Variants in BAZ2B observed in about 807,000 individuals in gnomAD.
The protein encoded by BAZ2B is bromodomain adjacent to zinc finger domain protein 2B.
In BAZ2B, 91 loss-of-function variants were observed where a neutral mutation model predicts 246.0. The observed-to-expected ratio is 0.37, with a 90% CI of 0.31 to 0.44. BAZ2B has a LOEUF of 0.44. Ranked by LOEUF, BAZ2B falls within the 20% of genes least tolerant of loss-of-function variation. The pLI, the probability that BAZ2B is intolerant of heterozygous loss-of-function variation, is 1.00. For synonymous variants in BAZ2B, 855 were observed against 860.0 expected (o/e 0.99, Z 0.10); for missense variants, 2,332 against 2,533.7 (o/e 0.92, Z 1.71).
At chr2:159,573,098 G>A (rs1684422549) in intron 1 of BAZ2B, among the ~76,000 whole-genome samples, 1 of 151,852 alleles carries the variant, frequency 6.6e-6, no homozygotes, top group African/African-American at 2.4e-5. Flanking sequence ...TTAGGGGTGG[G>A]GTATAACTGA....
chr2:159,588,836 G>A lies in BAZ2B; in HGVS notation c.-46+27406C>T, dbSNP rs144727852. On this transcript the variant is annotated intron_variant, in intron 1 of 36. Coordinates refer to ENST00000392783, the MANE Select transcript of BAZ2B (RefSeq NM_013450.4). ...TGCATCTCTAAAACAAAAACAAAATGTAAGTAAAATTAAAATTGTAGTATG... is the reference window on the plus strand; with the variant it reads ...TGCATCTCTAAAACAAAAACAAAATATAAGTAAAATTAAAATTGTAGTATG... Among the ~76,000 whole-genome samples, 719 of 152,186 alleles carry A rather than the reference G, an allele frequency of 4.7e-3. 10 individuals are homozygous for A. Among genetic ancestry groups the A allele is most frequent in the South Asian group, 0.038 (182 of 4,816 alleles).
Position 159,337,044 on chromosome 2 carries a change from T to C in BAZ2B, c.5694A>G (p.Val1898=), listed in dbSNP as rs780053016. 2.5e-6 allele frequency: 4 copies of C among 1,613,204 alleles called. No homozygotes were observed. Among genetic ancestry groups the C allele is most frequent in the South Asian group, 1.1e-5 (1 of 91,060 alleles). ...IEEDIAPGLR[V]WRRALSEARS... ...GAGCTTCTGATAATGCCCTTCTCCA[T>C]ACCCTGAGCCCTGGAGCAATATCCT... Residue 1898 remains valine (V), a synonymous_variant, in exon 33 of 37, where the codon GTA becomes GTG. Coordinates refer to ENST00000392783, the MANE Select transcript of BAZ2B (RefSeq NM_013450.4).
intron 1 of BAZ2B, among the ~76,000 whole-genome samples, chr2:159,593,446 C>T (rs1192399607): frequency 6.6e-6 from 1 of 152,138 alleles, no homozygotes; most frequent in African/African-American, 2.4e-5. Context: ...TTTCACTATC[C>T]TTTTTGTTTT....
intron 20 of BAZ2B, chr2:159,391,997 CA>C (rs2063388442): frequency 6.6e-6 from 1 of 152,090 alleles, no homozygotes; most frequent in African/African-American, 2.4e-5. Flanking sequence ...TCCCCTCAAC[CA>C]CCAACTAATA....
intron 3 of BAZ2B, chr2:159,459,656 C>A (rs2076180648): frequency 6.6e-6 from 1 of 152,100 alleles, no homozygotes; most frequent in Non-Finnish European, 1.5e-5. Flanking sequence ...ACATTTAAAA[C>A]AAAGCATATT....
intron 1 of BAZ2B, among the ~76,000 whole-genome samples, chr2:159,590,085 G>C (rs1391266004): frequency 6.6e-6 from 1 of 150,456 alleles, no homozygotes; most frequent in Non-Finnish European, 1.5e-5. Context: ...AACTTGGGAG[G>C]CTAAGGCAGG....
At chr2:159,636,271 G>C in the BAZ2B span, among the ~76,000 whole-genome samples, 1 of 152,178 alleles carries the variant, frequency 6.6e-6, no homozygotes, top group Non-Finnish European at 1.5e-5. Context: ...GCATTGAGGA[G>C]GGCAGGAGAG....
intron 3 of BAZ2B, chr2:159,461,370 C>G (rs1189083946): frequency 2.0e-5 from 3 of 152,518 alleles, no homozygotes; most frequent in Non-Finnish European, 2.9e-5. Context: ...GCAGGCAGGA[C>G]TGAGGAAGAG....
chr2:159,514,220 G>C (rs1276220006), intron 2 of BAZ2B, among the ~76,000 whole-genome samples: 2 of 152,054 alleles, frequency 1.3e-5, no homozygotes, highest in African/African-American at 2.4e-5. Flanking sequence ...AGAGACCTTT[G>C]AAAGTTTCAT....
At chr2:159,696,832 C>G in the BAZ2B span, among the ~76,000 whole-genome samples, 1 of 152,212 alleles carries the variant, frequency 6.6e-6, no homozygotes, top group Admixed American at 6.5e-5. Flanking sequence ...GTCACCCAGG[C>G]TGGAGTGCAG....
intron 1 of BAZ2B, among the ~76,000 whole-genome samples, chr2:159,563,993 T>C (rs72960224): frequency 0.31 from 47,370 of 152,116 alleles, 9,252 homozygotes; most frequent in Admixed American, 0.44. Context: ...CCTGGGAGTA[T>C]AGCACTGAAC....
the BAZ2B span, among the ~76,000 whole-genome samples, chr2:159,676,955 TATATATATATA>T: frequency 6.1e-3 from 158 of 25,846 alleles, 2 homozygotes; most frequent in South Asian, 0.084. Flanking sequence ...AGTTTTGTTA[TATATATATATA>T]TATATATATA....
the BAZ2B span, among the ~76,000 whole-genome samples, chr2:159,635,603 G>C: frequency 6.9e-6 from 1 of 145,632 alleles, no homozygotes; most frequent in Non-Finnish European, 1.5e-5. Context: ...TGAATAATTT[G>C]TTTCTTTTTT....
At chr2:159,450,393 A>AG (rs2074903757) in intron 4 of BAZ2B, among the ~76,000 whole-genome samples, 1 of 147,324 alleles carries the variant, frequency 6.8e-6, no homozygotes, top group Non-Finnish European at 1.5e-5. Flanking sequence ...AAAAAAAAAA[A>AG]GTAAAGAAGC....
intron 2 of BAZ2B, among the ~76,000 whole-genome samples, chr2:159,495,287 C>T (rs1317513038): frequency 6.6e-6 from 1 of 150,968 alleles, no homozygotes; most frequent in Non-Finnish European, 1.5e-5. Context: ...AGATCGAGAC[C>T]ATCCCGGCTA....
At chr2:159,349,420 G>A in intron 28 of BAZ2B, 140 bp from the exon 29 acceptor site, 1 of 964,872 alleles carries the variant, frequency 1.0e-6, no homozygotes, top group Non-Finnish European at 1.5e-6. Flanking sequence ...AAATACATTA[G>A]CAACAAAAAT....
the BAZ2B span, among the ~76,000 whole-genome samples, chr2:159,699,105 T>C: frequency 6.6e-6 from 1 of 152,112 alleles, no homozygotes; most frequent in Non-Finnish European, 1.5e-5. Context: ...GAATATAGGG[T>C]GGTAGCAGAC....
Position 159,433,180 on chromosome 2 carries a change from G to C in BAZ2B, c.1477C>G (p.Gln493Glu). ...ACACTTTGAATAACTCCATTTGGTTGGTGATTACCTAAAAGTGCATTTGTC... is the reference window on the plus strand; with the variant it reads ...ACACTTTGAATAACTCCATTTGGTTCGTGATTACCTAAAAGTGCATTTGTC... ...FLTNALLGNH[Q>E]PNGVIQSVIQ... The change falls in exon 9 of 37, where the codon CAA (glutamine) becomes GAA (glutamate). Residue 493 changes from glutamine to glutamate, a missense_variant. Coordinates refer to ENST00000392783, the MANE Select transcript of BAZ2B (RefSeq NM_013450.4). 6.2e-7 allele frequency: 1 copy of C among 1,614,142 alleles called. No individual in the cohort carries two copies. Among genetic ancestry groups the C allele is most frequent in the Non-Finnish European group, 8.5e-7 (1 of 1,180,018 alleles).
rs1040423909 is a variant in BAZ2B at position 159,348,299 on chromosome 2, G to A, written c.5293+379C>T. Among the ~76,000 whole-genome samples, 7 of 114,966 alleles carry A rather than the reference G, an allele frequency of 6.1e-5. No individual in the cohort carries two copies. In the South Asian group the frequency reaches 2.0e-3, roughly 33 times the overall value. The allele number at this position is 114,966 out of a possible 152,430, so 75.4% of individuals were successfully genotyped here. Reference sequence around the variant, plus strand: ...TGCACCACCATTCTCCAGCCTAGGTGACACAGCAAGACTCTCTCACAAAAA... The same window carrying A: ...TGCACCACCATTCTCCAGCCTAGGTAACACAGCAAGACTCTCTCACAAAAA... On this transcript the variant is annotated intron_variant, in intron 30 of 36. Coordinates refer to ENST00000392783, the MANE Select transcript of BAZ2B (RefSeq NM_013450.4).
Sources: gnomAD v4.1 joint callset for allele counts (sites outside exome capture counted in the v4.1 genomes callset) on GRCh38, gnomAD v4.1.1 for gene constraint, MANE v1.5 for transcripts, NCBI Gene and HGNC (gene_info 2026-07-23, HGNC 2026-07-21) for gene names.